Variants in COL21A1 observed in about 807,000 individuals in gnomAD.
COL21A1 encodes the protein collagen type XXI alpha 1 chain, also known as collagen alpha-1(XXI) chain.
A neutral mutation model predicts 137.9 loss-of-function variants in COL21A1; 149 were observed. The observed-to-expected ratio is 1.08, with a 90% CI of 0.95 to 1.24. The LOEUF is 1.24. Ranked by LOEUF, COL21A1 falls within the 50% of genes most tolerant of loss-of-function variation. The pLI is 0.00. For synonymous variants in COL21A1, 456 were observed against 391.5 expected, an observed-to-expected ratio of 1.16 and a Z score of -1.95; for missense variants, 1,167 against 1,158.4, an observed-to-expected ratio of 1.01 and a Z score of -0.11.
intron 1 of COL21A1, among the ~76,000 whole-genome samples, chr6:56,198,581 C>A (rs896942703): frequency 6.6e-6 from 1 of 152,024 alleles, no homozygotes; most frequent in Admixed American, 6.6e-5. Context: ...TACAGGCCAA[C>A]AAGGCCTGCA....
chr6:56,150,801 T>C (rs1265054030), intron 10 of COL21A1, among the ~76,000 whole-genome samples: 10 of 152,296 alleles, frequency 6.6e-5, no homozygotes, highest in Non-Finnish European at 1.5e-5. Context: ...AACCATCTTC[T>C]CATTTTCCAA....
chr6:56,349,785 A>G (rs1440548718), intron 1 of COL21A1, among the ~76,000 whole-genome samples: 1 of 152,196 alleles, frequency 6.6e-6, no homozygotes, highest in Non-Finnish European at 1.5e-5. Context: ...ATGAAAGACC[A>G]TTTTGTTGTC....
At chr6:56,236,690 G>A (rs576060180) in intron 1 of COL21A1, among the ~76,000 whole-genome samples, 1 of 152,120 alleles carries the variant, frequency 6.6e-6, no homozygotes, top group East Asian at 1.9e-4. Context: ...CAGAGTATTA[G>A]TTTGCTTTCT....
intron 1 of COL21A1, among the ~76,000 whole-genome samples, chr6:56,264,362 A>G (rs1763348476): frequency 6.6e-6 from 1 of 152,152 alleles, no homozygotes; most frequent in African/African-American, 2.4e-5. Context: ...AGACTTAAGC[A>G]TCTTGTCCAC....
intron 1 of COL21A1, among the ~76,000 whole-genome samples, chr6:56,337,937 G>C (rs1328900551): frequency 6.7e-6 from 1 of 148,814 alleles, no homozygotes; most frequent in Non-Finnish European, 1.5e-5. Context: ...GAAGAAAAGG[G>C]GTTTTTTTCT....
At chr6:56,235,783 T>C (rs1781862239) in intron 1 of COL21A1, among the ~76,000 whole-genome samples, 1 of 151,694 alleles carries the variant, frequency 6.6e-6, no homozygotes, top group Non-Finnish European at 1.5e-5. Context: ...AGACAAAGCA[T>C]ACCTTGAAAG....
chr6:56,216,942 T>C (rs187541203), intron 1 of COL21A1, among the ~76,000 whole-genome samples: 224 of 152,180 alleles, frequency 1.5e-3, no homozygotes, highest in African/African-American at 4.6e-3. Context: ...AAGACCTGAT[T>C]AGATGTTCCA....
intron 17 of COL21A1, among the ~76,000 whole-genome samples, chr6:56,098,970 C>A (rs527737218): frequency 6.6e-6 from 1 of 150,498 alleles, no homozygotes; most frequent in East Asian, 2.0e-4. Context: ...CCGCCTCGGC[C>A]TCCCAAAGTG....
chr6:56,079,735 T>C (rs1244183411), intron 17 of COL21A1, among the ~76,000 whole-genome samples: 3 of 151,650 alleles, frequency 2.0e-5, no homozygotes, highest in Non-Finnish European at 4.4e-5. Context: ...TTTCTTTTTG[T>C]TCATCCTCTC....
chr6:56,335,973 T>C (rs1164360417), intron 1 of COL21A1, among the ~76,000 whole-genome samples: 1 of 152,178 alleles, frequency 6.6e-6, no homozygotes, highest in African/African-American at 2.4e-5. Flanking sequence ...TTCCATGACG[T>C]TGATGATGAT....
At chr6:56,080,838 T>C (rs1350694834) in intron 17 of COL21A1, among the ~76,000 whole-genome samples, 1 of 151,810 alleles carries the variant, frequency 6.6e-6, no homozygotes, top group Non-Finnish European at 1.5e-5. Flanking sequence ...AAGAAAAAAT[T>C]CACATGTTGA....
chr6:56,300,257 G>A (rs1051248335), intron 1 of COL21A1, among the ~76,000 whole-genome samples: 6 of 152,002 alleles, frequency 3.9e-5, no homozygotes, highest in African/African-American at 1.4e-4. Flanking sequence ...TCAGAGTAGA[G>A]GCTGGAAGTG....
At chr6:56,314,549 A>C (rs1253281097) in intron 1 of COL21A1, among the ~76,000 whole-genome samples, 1 of 152,196 alleles carries the variant, frequency 6.6e-6, no homozygotes, top group African/African-American at 2.4e-5. Context: ...CGGCCAAGAT[A>C]TTTAAATCTT....
At chr6:56,130,410 G>A (rs1375873176) in intron 12 of COL21A1, among the ~76,000 whole-genome samples, 1 of 151,654 alleles carries the variant, frequency 6.6e-6, no homozygotes, top group Non-Finnish European at 1.5e-5. Flanking sequence ...ACCAGTTAAA[G>A]GTAGAGCTAG....
intron 1 of COL21A1, among the ~76,000 whole-genome samples, chr6:56,241,610 T>G (rs1782328535): frequency 6.9e-6 from 1 of 145,278 alleles, no homozygotes; most frequent in Non-Finnish European, 1.5e-5. Context: ...AGGGAAACGG[T>G]GGAGAGCAGC....
At chr6:56,080,327 G>T (rs1304973048) in intron 17 of COL21A1, among the ~76,000 whole-genome samples, 2 of 151,704 alleles carry the variant, frequency 1.3e-5, no homozygotes, top group African/African-American at 4.8e-5. Flanking sequence ...TGGGTTTGAG[G>T]AAGAGCAGAA....
intron 17 of COL21A1, among the ~76,000 whole-genome samples, chr6:56,088,834 T>C (rs1455194506): frequency 6.6e-6 from 1 of 152,170 alleles, no homozygotes; most frequent in East Asian, 1.9e-4. Flanking sequence ...CCACCCAGGC[T>C]GGAGTACAGT....
chr6:56,224,536 A>G (rs1046862128), intron 1 of COL21A1, among the ~76,000 whole-genome samples: 2 of 152,122 alleles, frequency 1.3e-5, no homozygotes, highest in African/African-American at 2.4e-5. Context: ...CCTTATGTCA[A>G]TAAGTGATGC....
Position 56,355,873 on chromosome 6 carries a change from C to T in COL21A1, c.-39+38098G>A, listed in dbSNP as rs56025741. On this transcript the variant is annotated intron_variant, in intron 1 of 28. Coordinates refer to the COL21A1 transcript ENST00000370819. ...AGACCTTTTCTCATCTTGTATGTTG[C>T]AATTTAAAAGAAAAAGAACTCATTA... is the stretch of plus-strand genomic sequence containing the variant. Among the ~76,000 whole-genome samples the T allele has an allele frequency of 7.2e-3, 1,094 of 152,142 alleles. 10 individuals carry two copies. The highest frequency in any genetic ancestry group is 0.025 in the African/African-American group (1,027 of 41,510).
Sources: allele counts gnomAD v4.1 joint callset (sites outside exome capture counted in the v4.1 genomes callset), GRCh38; gene constraint gnomAD v4.1.1; transcripts MANE v1.5; gene names NCBI Gene and HGNC (gene_info 2026-07-23, HGNC 2026-07-21).